TIA1: variants seen among roughly 807,000 people sequenced by gnomAD.
TIA1 encodes cytotoxic granule associated RNA binding protein TIA1.
Under a neutral mutation model 65.9 loss-of-function variants are expected in TIA1, and 23 were observed. The ratio of observed to expected loss-of-function variants is 0.35; its 90% confidence interval spans 0.25 to 0.49. TIA1 has a LOEUF of 0.49. Ranked by LOEUF, TIA1 falls within the 20% of genes least tolerant of loss-of-function variation. The pLI, the probability that TIA1 is intolerant of heterozygous loss-of-function variation, is 0.98. For synonymous variants in TIA1, 147 were observed against 149.4 expected (o/e 0.98, Z 0.12); for missense variants, 371 against 477.9 (o/e 0.78, Z 2.09).
rs370591631 is a variant in TIA1 at position 70,221,300 on chromosome 2, T to C, written c.474+3254A>G. On this transcript the variant is annotated intron_variant, in intron 7 of 12. Coordinates refer to ENST00000433529, the MANE Select transcript of TIA1 (RefSeq NM_022173.4). ...GATTACAAGTGTGAGCCACCATGCC[T>C]GGCCTTTTTTTAAAAAAAAATTAGG... Among the ~76,000 whole-genome samples, 12 of 151,720 alleles carry C rather than the reference T, an allele frequency of 7.9e-5. No individual in the cohort carries two copies. The South Asian group carries it at 2.5e-3, about 32-fold the overall frequency.
intron 7 of TIA1, among the ~76,000 whole-genome samples, chr2:70,223,752 A>G (rs1384462360): frequency 6.6e-6 from 1 of 151,928 alleles, no homozygotes; most frequent in Admixed American, 6.6e-5. Flanking sequence ...AATTAAAAAA[A>G]AAGTAAAATA....
In TIA1 at chr2:70,248,623, G is replaced by A; in HGVS notation, c.-193C>T. 2 of 745,934 alleles carry A rather than the reference G, an allele frequency of 2.7e-6. No individual in the cohort carries two copies. Among genetic ancestry groups the A allele is most frequent in the Non-Finnish European group, 4.4e-6 (2 of 458,010 alleles). 46.2% of individuals were successfully genotyped at this position (745,934 alleles called of 1,614,324 possible). On this transcript the variant is annotated 5_prime_UTR_variant, in exon 1 of 13. Transcript: ENST00000433529. ...GAACAATGAAACCCCAATACAAGAT[G>A]GCGGCGAGCCGGGAGCCTAGGAGCA... is the stretch of plus-strand genomic sequence containing the variant.
chr2:70,230,724 G>T, intron 3 of TIA1, 32 bp downstream of exon 3: 2 of 1,488,206 alleles, frequency 1.3e-6, no homozygotes, highest in Non-Finnish European at 9.2e-7. Flanking sequence ...TTTTTTCAGT[G>T]CAAGTCACCT....
chr2:70,236,429 C>T (rs1472255404), intron 1 of TIA1, among the ~76,000 whole-genome samples: 1 of 151,984 alleles, frequency 6.6e-6, no homozygotes, highest in Non-Finnish European at 1.5e-5. Flanking sequence ...CAACTCCTGA[C>T]CTCAGGTGAC....
intron 1 of TIA1, among the ~76,000 whole-genome samples, chr2:70,241,897 C>A (rs74620819): frequency 1.3e-5 from 2 of 150,220 alleles, no homozygotes; most frequent in Non-Finnish European, 3.0e-5. Flanking sequence ...CAGAGTGAGA[C>A]CTTACCTCTA....
chr2:70,216,032 G>A (rs1007300171), intron 10 of TIA1, 176 bp downstream of exon 10: 15 of 603,508 alleles, frequency 2.5e-5, no homozygotes, highest in African/African-American at 7.6e-5. Flanking sequence ...GAATACAGGC[G>A]TGAGCCACCG....
In TIA1 at chr2:70,217,651, C is replaced by A. The variant is rs111639857; in HGVS notation, c.475-657G>T. ...TGACCTCGTGATCCTCCCAACTCGG[C>A]CTCTCAAAGTGCTGGGATTACAGGC... is the stretch of plus-strand genomic sequence containing the variant. On this transcript the variant is annotated intron_variant, in intron 7 of 12. Coordinates refer to ENST00000433529, the MANE Select transcript of TIA1 (RefSeq NM_022173.4). Among the ~76,000 whole-genome samples, 884 of 152,200 alleles carry A rather than the reference C, an allele frequency of 5.8e-3. 11 individuals are homozygous for A. The highest frequency in any genetic ancestry group is 0.02 in the African/African-American group (848 of 41,528).
rs1311867032 is a variant in TIA1 at position 70,228,920 on chromosome 2, G to C, written c.310+139C>G. On this transcript the variant is annotated intron_variant, in intron 5 of 12. Coordinates refer to ENST00000433529, the MANE Select transcript of TIA1 (RefSeq NM_022173.4). Reference sequence around the variant, plus strand: ...ATACTTGGTCAACACTGAGAAGGGAGAAAAGTATTGCTAGAGAGACAAATA... The same window carrying C: ...ATACTTGGTCAACACTGAGAAGGGACAAAAGTATTGCTAGAGAGACAAATA... The C allele has an allele frequency of 1.2e-5, 17 of 1,463,032 alleles. No homozygotes were observed. In the East Asian group the frequency reaches 4.2e-4, roughly 36 times the overall value. 90.6% of individuals were successfully genotyped at this position (1,463,032 alleles called of 1,614,324 possible). A position where few individuals can be genotyped will look rare whatever the true frequency, so the allele number is the denominator to read the frequency against.
At position 70,213,967 on chromosome 2, in the gene TIA1, TA is replaced by T. The variant is rs1292451398; in HGVS notation, c.1034+381del. 2.0e-5 allele frequency among the ~76,000 whole-genome samples: 3 copies of T among 152,346 alleles called. No homozygotes were observed. The East Asian group carries it at 5.8e-4, about 29-fold the overall frequency. Reference sequence around the variant, plus strand: ...ACGCCCAGCCCACTAAATTCCTTTTTAACCTCTCAAGTATTTTTATTTCCAG... The same window carrying T: ...ACGCCCAGCCCACTAAATTCCTTTTTACCTCTCAAGTATTTTTATTTCCAG... On this transcript the variant is annotated intron_variant, in intron 12 of 12. Transcript: ENST00000433529.
intron 1 of TIA1, among the ~76,000 whole-genome samples, chr2:70,241,405 G>A (rs1377193652): frequency 6.6e-6 from 1 of 151,650 alleles, no homozygotes; most frequent in Non-Finnish European, 1.5e-5. Context: ...TCATGCCACT[G>A]TACTCCAGCC....
At chr2:70,231,535 A>C (rs1686295419) in intron 2 of TIA1, among the ~76,000 whole-genome samples, 1 of 152,196 alleles carries the variant, frequency 6.6e-6, no homozygotes, top group African/African-American at 2.4e-5. Context: ...ACTATAATTT[A>C]ATATTAATGA....
intron 1 of TIA1, among the ~76,000 whole-genome samples, chr2:70,245,631 C>G (rs1693946100): frequency 6.6e-6 from 1 of 152,168 alleles, no homozygotes; most frequent in Non-Finnish European, 1.5e-5. Flanking sequence ...CATATGCTCA[C>G]TACAAATGTT....
chr2:70,220,177 A>G lies in TIA1; in HGVS notation c.475-3183T>C, dbSNP rs533097425. 2.0e-5 allele frequency among the ~76,000 whole-genome samples: 3 copies of G among 152,242 alleles called. No homozygotes were observed. In the South Asian group the frequency reaches 6.2e-4, roughly 32 times the overall value. On this transcript the variant is annotated intron_variant, in intron 7 of 12. Transcript: ENST00000433529. ...TATAATCCCAGCACTTGGGAGGCCGAGGCAGGTGGATCATGAGCCCAGGAG... is the reference window on the plus strand; with the variant it reads ...TATAATCCCAGCACTTGGGAGGCCGGGGCAGGTGGATCATGAGCCCAGGAG...
At chr2:70,239,638 C>T (rs1690796602) in intron 1 of TIA1, among the ~76,000 whole-genome samples, 1 of 152,152 alleles carries the variant, frequency 6.6e-6, no homozygotes, top group African/African-American at 2.4e-5. Context: ...TTCCATCTAC[C>T]ATTCAACAAA....
intron 2 of TIA1, among the ~76,000 whole-genome samples, chr2:70,232,058 C>T (rs986772560): frequency 1.1e-4 from 17 of 151,392 alleles, no homozygotes; most frequent in Admixed American, 1.1e-3. Flanking sequence ...AAAAATTAGC[C>T]GGGCCTGGTG....
intron 6 of TIA1, among the ~76,000 whole-genome samples, chr2:70,227,293 A>T (rs930150340): frequency 6.6e-6 from 1 of 152,180 alleles, no homozygotes; most frequent in Non-Finnish European, 1.5e-5. Flanking sequence ...GTAAATATCT[A>T]GAAAATAATA....
At chr2:70,236,036 T>TAAA in intron 2 of TIA1, 43 bp downstream of exon 2, 1 of 968,192 alleles carries the variant, frequency 1.0e-6, no homozygotes, top group African/African-American at 1.7e-5. Context: ...AAGTAATGTG[T>TAAA]AAAAAAAAAA....
At chr2:70,219,729 G>A (rs1376121006) in intron 7 of TIA1, among the ~76,000 whole-genome samples, 2 of 143,920 alleles carry the variant, frequency 1.4e-5, no homozygotes, top group East Asian at 4.1e-4. Flanking sequence ...CACAGACTAG[G>A]TCGCCAGGCT....
chr2:70,224,437 GTTTAT>G, intron 7 of TIA1, 112 bp downstream of exon 7: 1 of 1,418,296 alleles, frequency 7.1e-7, no homozygotes, highest in Non-Finnish European at 9.6e-7. Flanking sequence ...TCTAGTGAGG[GTTTAT>G]TTTAATCATC....
Sources: gnomAD v4.1 joint callset for allele counts (sites outside exome capture counted in the v4.1 genomes callset) on GRCh38, gnomAD v4.1.1 for gene constraint, MANE v1.5 for transcripts, NCBI Gene and HGNC (gene_info 2026-07-23, HGNC 2026-07-21) for gene names.